The following TENM4 variants were observed in gnomAD, a reference collection of about 807,000 sequenced individuals.
The protein encoded by TENM4 is teneurin transmembrane protein 4.
Under a neutral mutation model 243.3 loss-of-function variants are expected in TENM4, and 82 were observed. The observed-to-expected ratio is 0.34, with a 90% CI of 0.28 to 0.40. The LOEUF (loss-of-function observed/expected upper bound fraction) is 0.40. Ranked by LOEUF, TENM4 falls within the 10% of genes least tolerant of loss-of-function variation. The pLI is 1.00. For synonymous variants in TENM4, 1,412 were observed against 1,456.3 expected (o/e 0.97, Z 0.69); for missense variants, 3,138 against 3,673.3 (o/e 0.85, Z 3.77).
chr11:79,388,965 C>T (rs964799665), intron 1 of TENM4, among the ~76,000 whole-genome samples: 7 of 152,102 alleles, frequency 4.6e-5, no homozygotes, highest in Admixed American at 4.6e-4. Flanking sequence ...TGTTACTGGA[C>T]AAAGGCTGGA....
chr11:78,803,355 A>G (rs1237601916), intron 15 of TENM4, among the ~76,000 whole-genome samples: 1 of 152,144 alleles, frequency 6.6e-6, no homozygotes, highest in South Asian at 2.1e-4. Flanking sequence ...AATTCTCACT[A>G]TAACTCCAGA....
intron 5 of TENM4, 87 bp from the exon 6 acceptor site, chr11:79,065,094 G>A: frequency 1.4e-6 from 2 of 1,414,860 alleles, no homozygotes; most frequent in East Asian, 2.7e-5. Flanking sequence ...TCTTACCCCA[G>A]GGCTCACTGT....
At chr11:78,716,505 T>A (rs1022964787) in intron 25 of TENM4, among the ~76,000 whole-genome samples, 1 of 152,216 alleles carries the variant, frequency 6.6e-6, no homozygotes, top group East Asian at 1.9e-4. Context: ...GCAGAATAAG[T>A]ACTCCAGAAA....
At chr11:79,420,314 A>C (rs1858904081) in intron 1 of TENM4, among the ~76,000 whole-genome samples, 1 of 152,238 alleles carries the variant, frequency 6.6e-6, no homozygotes, top group Non-Finnish European at 1.5e-5. Flanking sequence ...TCAGAAAGAG[A>C]GGCAGCTTGC....
intron 6 of TENM4, among the ~76,000 whole-genome samples, chr11:79,018,419 C>T (rs866897527): frequency 1.3e-5 from 2 of 152,226 alleles, no homozygotes; most frequent in Middle Eastern, 6.8e-3. Context: ...GGCTCCTGTC[C>T]ACTATCTCCA....
intron 1 of TENM4, among the ~76,000 whole-genome samples, chr11:79,433,869 G>A (rs141529028): frequency 1.3e-5 from 2 of 152,294 alleles, no homozygotes; most frequent in Non-Finnish European, 2.9e-5. Flanking sequence ...CATCTAAACC[G>A]TTGTCTGAAG....
At chr11:78,686,557 G>C (rs1858678988) in intron 29 of TENM4, among the ~76,000 whole-genome samples, 1 of 152,120 alleles carries the variant, frequency 6.6e-6, no homozygotes, top group Non-Finnish European at 1.5e-5. Flanking sequence ...TGGGGTTGGG[G>C]GGGCAGTTTT....
At chr11:78,803,281 G>A (rs906990030) in intron 15 of TENM4, among the ~76,000 whole-genome samples, 3 of 151,902 alleles carry the variant, frequency 2.0e-5, no homozygotes, top group South Asian at 2.1e-4. Context: ...TACCCACCTC[G>A]GCCTCCCAAA....
At chr11:79,001,797 T>C (rs1248297733) in intron 6 of TENM4, among the ~76,000 whole-genome samples, 2 of 152,172 alleles carry the variant, frequency 1.3e-5, no homozygotes, top group Non-Finnish European at 2.9e-5. Context: ...CAGCCTTGGA[T>C]GCCCAACCAG....
chr11:78,792,416 A>G (rs1307979482), intron 15 of TENM4, among the ~76,000 whole-genome samples: 2 of 152,176 alleles, frequency 1.3e-5, no homozygotes, highest in African/African-American at 4.8e-5. Context: ...AAAAATTCCT[A>G]TTCCAAGCTT....
intron 19 of TENM4, among the ~76,000 whole-genome samples, chr11:78,752,968 T>A (rs1856225054): frequency 6.6e-6 from 1 of 152,208 alleles, no homozygotes; most frequent in Admixed American, 6.5e-5. Context: ...AGGTTGAGAC[T>A]TTATGTACTT....
chr11:79,215,391 T>C (rs963480119), intron 3 of TENM4, among the ~76,000 whole-genome samples: 2 of 152,218 alleles, frequency 1.3e-5, no homozygotes, highest in Admixed American at 6.5e-5. Context: ...CTCACTCCAG[T>C]TCAGCTCAAC....
At chr11:79,407,843 C>T (rs1436399894) in intron 1 of TENM4, among the ~76,000 whole-genome samples, 1 of 152,032 alleles carries the variant, frequency 6.6e-6, no homozygotes, top group Admixed American at 6.6e-5. Context: ...GGCCTCATCC[C>T]CAGGGTTTCT....
chr11:79,064,564 TG>T (rs1285557446), intron 6 of TENM4, 173 bp downstream of exon 6: 3 of 810,824 alleles, frequency 3.7e-6, no homozygotes, highest in Non-Finnish European at 5.7e-6. Context: ...ATGTCACTCA[TG>T]GGTGGGCATT....
intron 6 of TENM4, among the ~76,000 whole-genome samples, chr11:78,997,972 C>T (rs1185072157): frequency 2.6e-5 from 4 of 152,132 alleles, no homozygotes; most frequent in Admixed American, 2.6e-4. Context: ...GAGGAAAGGC[C>T]ATGTGAACAC....
intron 12 of TENM4, among the ~76,000 whole-genome samples, chr11:78,853,089 T>C (rs1019787910): frequency 2.6e-5 from 4 of 152,134 alleles, no homozygotes; most frequent in Non-Finnish European, 4.4e-5. Context: ...CATTTTTCCA[T>C]GTCAGAGAGA....
rs371398648 is a variant in TENM4, at chr11:79,083,948, G to GT, written c.-65-13940dup. 5.9e-3 allele frequency among the ~76,000 whole-genome samples: 893 copies of GT among 152,080 alleles called. 10 individuals carry two copies. The highest frequency in any genetic ancestry group is 0.02 in the African/African-American group (831 of 41,438). On this transcript the variant is annotated intron_variant, in intron 4 of 33. Transcript: ENST00000278550. The stretch of plus-strand genomic sequence containing the variant: ...CCACATACTAACAAAGGAAGGCCTA[G>GT]TATCTAGAATATATATATATGTGTG...
intron 4 of TENM4, among the ~76,000 whole-genome samples, chr11:79,118,135 G>C (rs1046898753): frequency 1.3e-5 from 2 of 152,192 alleles, no homozygotes; most frequent in African/African-American, 2.4e-5. Flanking sequence ...TTGAGGTTCA[G>C]AGGCTAAGCA....
chr11:79,307,001 A>C (rs483035), intron 1 of TENM4, among the ~76,000 whole-genome samples: 119,684 of 152,142 alleles, frequency 0.79, 47,313 homozygotes, highest in Middle Eastern at 0.89. Context: ...CTCTTTGTAA[A>C]AGGATCTTTT....
Sources: allele counts gnomAD v4.1 joint callset (sites outside exome capture counted in the v4.1 genomes callset), GRCh38; gene constraint gnomAD v4.1.1; transcripts MANE v1.5; gene names NCBI Gene and HGNC (gene_info 2026-07-23, HGNC 2026-07-21).